Variants in MRPL38 observed in about 807,000 individuals in gnomAD.
MRPL38 encodes mitochondrial ribosomal protein L38.
In MRPL38, 51 loss-of-function variants were observed where a neutral mutation model predicts 52.1. The observed-to-expected ratio is 0.98, with a 90% CI of 0.78 to 1.24. The LOEUF is 1.24. MRPL38 is among the 50% of genes most tolerant of loss of function. MRPL38 has a pLI of 0.00. For missense variants in MRPL38, 527 were observed against 518.6 expected (o/e 1.02, Z -0.16); for synonymous variants, 245 against 212.7 (o/e 1.15, Z -1.32).
chr17:75,904,111 T>A (rs2065417425), intron 2 of MRPL38: 1 of 415,454 alleles, frequency 2.4e-6, no homozygotes, highest in Admixed American at 3.0e-5. Context: ...CTTGCACTGT[T>A]CGGGTGCAAG....
rs2065405106 is a variant in MRPL38 at position 75,901,726 on chromosome 17, C to T, written c.577G>A (p.Val193Met). Residue 193 changes from valine (V) to methionine (M), a missense_variant, in exon 4 of 9, where the codon GTG (valine) becomes ATG (methionine). Val to Met is a conservative substitution (Grantham distance 21). Transcript: ENST00000309352. The surrounding 1 kb of genome is among the most constrained non-coding windows in gnomAD (Gnocchi z 5.7). ...DLMPVYCGNEVTPTEAAQAPE... is the reference protein window; with the variant it reads ...DLMPVYCGNEMTPTEAAQAPE... Reference sequence around the variant, plus strand: ...TGAGTGGTTACCTCGGTTGGAGTCACCTCATTGCCACAGTACACAGGCATC... The same window carrying T: ...TGAGTGGTTACCTCGGTTGGAGTCATCTCATTGCCACAGTACACAGGCATC... 6.2e-7 allele frequency: 1 copy of T among 1,613,772 alleles called. No individual in the cohort carries two copies. Among genetic ancestry groups the T allele is most frequent in the Admixed American group, 1.7e-5 (1 of 59,998 alleles).
chr17:75,904,622 G>C lies in MRPL38; in HGVS notation c.165C>G (p.Asp55Glu), dbSNP rs772772291. Reference sequence around the variant, plus strand: ...CCTGCTCTGCTCGGCGCCGGTAGCGGTCGAAGCTCCGGTACTTCTCCAGCC... The same window carrying C: ...CCTGCTCTGCTCGGCGCCGGTAGCGCTCGAAGCTCCGGTACTTCTCCAGCC... Reference protein sequence around the residue: ...LERLEKYRSFDRYRRRAEQEA... With the variant: ...LERLEKYRSFERYRRRAEQEA... Residue 55 changes from aspartate to glutamate, a missense_variant, in exon 2 of 9, where the codon GAC becomes GAG. Coordinates refer to ENST00000309352, the MANE Select transcript of MRPL38 (RefSeq NM_032478.4). 3.8e-6 allele frequency: 6 copies of C among 1,594,496 alleles called. No homozygotes were observed. Among genetic ancestry groups the C allele is most frequent in the Non-Finnish European group, 5.1e-6 (6 of 1,177,534 alleles).
At chr17:75,899,923 T>C (rs1599472284) in intron 6 of MRPL38, 2 of 316,360 alleles carry the variant, frequency 6.3e-6, no homozygotes, top group Non-Finnish European at 5.7e-6. Context: ...AGCAAGGCCA[T>C]GCAGCCGCTT....
rs1005752234 is a variant in MRPL38 at position 75,904,477 on chromosome 17, A to G, written c.247+63T>C. On this transcript the variant is annotated intron_variant, in intron 2 of 8. Transcript: ENST00000309352. ...CAAGGCTCGCCCAGCGCCCGGGGAA[A>G]ACGCCGGCGGGTCCCGAGTTCCCCG... The G allele has an allele frequency of 1.5e-5, 22 of 1,455,586 alleles. No homozygotes were observed. In the African/African-American group the frequency reaches 2.9e-4, roughly 19 times the overall value. 90.2% of individuals were successfully genotyped at this position (1,455,586 alleles called of 1,614,324 possible).
chr17:75,901,126 C>T lies in MRPL38; in HGVS notation c.664+75G>A. 3.8e-6 allele frequency: 6 copies of T among 1,598,254 alleles called. No homozygotes were observed. Among genetic ancestry groups the T allele is most frequent in the Non-Finnish European group, 4.3e-6 (5 of 1,173,294 alleles). On this transcript the variant is annotated intron_variant, in intron 5 of 8. Transcript: ENST00000309352. The surrounding 1 kb of genome is among the most constrained non-coding windows in gnomAD (Gnocchi z 5.7). ...AGCGCTGGAGATCTCCACCTGGCCC[C>T]TCCCCCAGCCCCCCAGGGCCCTGGC... is the stretch of plus-strand genomic sequence containing the variant.
chr17:75,898,864 A>T lies in MRPL38; in HGVS notation c.1129T>A (p.Tyr377Asn). 6.2e-7 allele frequency: 1 copy of T among 1,612,062 alleles called. No individual in the cohort carries two copies. Among genetic ancestry groups the T allele is most frequent in the Non-Finnish European group, 8.5e-7 (1 of 1,179,512 alleles). ...ACTCTGGCTCCTTAGTAGATGCCAT[A>T]GGTGGGCTCATGACTGTCCCTGTAC... ...DRYRDSHEPTYGIY is the reference protein window; with the variant it reads ...DRYRDSHEPTNGIY The change falls in exon 9 of 9, where the codon TAT becomes AAT. Residue 377 changes from tyrosine (Y) to asparagine (N), a missense_variant. Tyr to Asn is a moderately radical substitution (Grantham distance 143). Coordinates refer to ENST00000309352, the MANE Select transcript of MRPL38 (RefSeq NM_032478.4).
Position 75,902,004 on chromosome 17 carries a change from C to A in MRPL38, c.382+16G>T. 6.2e-7 allele frequency: 1 copy of A among 1,613,236 alleles called. No homozygotes were observed. The highest frequency in any genetic ancestry group is 1.7e-5 in the Admixed American group (1 of 59,992). On this transcript the variant is annotated intron_variant, in intron 3 of 8. Coordinates refer to ENST00000309352, the MANE Select transcript of MRPL38 (RefSeq NM_032478.4). ...TACCCCAACTCTGGGATGGCCCCTCCCCTGAGAAGGCTTACCTGTGCGGAG... is the reference window on the plus strand; with the variant it reads ...TACCCCAACTCTGGGATGGCCCCTCACCTGAGAAGGCTTACCTGTGCGGAG...
At position 75,899,109 on chromosome 17, in the gene MRPL38, A is replaced by G. The variant is rs566127179; in HGVS notation, c.1006+49T>C. 7.7e-6 allele frequency: 12 copies of G among 1,564,066 alleles called. No individual in the cohort carries two copies. The African/African-American group carries it at 1.2e-4, about 16-fold the overall frequency. On this transcript the variant is annotated intron_variant, in intron 8 of 8. Coordinates refer to ENST00000309352, the MANE Select transcript of MRPL38 (RefSeq NM_032478.4). Reference sequence around the variant, plus strand: ...AAGCTTCTCCCTGGCAGGGCAGGCGAGGCCTGGGAGCTCAGGCCCACCCAG... The same window carrying G: ...AAGCTTCTCCCTGGCAGGGCAGGCGGGGCCTGGGAGCTCAGGCCCACCCAG...
intron 6 of MRPL38, chr17:75,900,070 GGCCAAC>G (rs1236326771): frequency 1.3e-5 from 2 of 157,902 alleles, no homozygotes; most frequent in Non-Finnish European, 2.8e-5. Context: ...GCACAGGGGC[GGCCAAC>G]GCCTCAGGCA....
chr17:75,902,258 C>G (rs1599473880), intron 2 of MRPL38, 104 bp from the exon 3 acceptor site: 3 of 1,273,774 alleles, frequency 2.4e-6, no homozygotes, highest in Non-Finnish European at 3.2e-6. Flanking sequence ...TGTACACCAT[C>G]TCATCTGGCT....
Position 75,898,651 on chromosome 17 carries a change from A to G in MRPL38, c.*199T>C. On this transcript the variant is annotated 3_prime_UTR_variant, in exon 9 of 9. Coordinates refer to ENST00000309352, the MANE Select transcript of MRPL38 (RefSeq NM_032478.4). ...CAGGTGTGAGCCACCAAGCCCGGCA[A>G]GAAATCATGTTTATTCACATTCCCC... The G allele has an allele frequency of 1.7e-6, 1 of 605,954 alleles. No homozygotes were observed. Among genetic ancestry groups the G allele is most frequent in the South Asian group, 2.1e-5 (1 of 48,322 alleles). 37.5% of individuals were successfully genotyped at this position (605,954 alleles called of 1,614,324 possible).
In MRPL38 at chr17:75,898,848, C is replaced by T. The variant is rs2065388978; in HGVS notation, c.*2G>A. On this transcript the variant is annotated 3_prime_UTR_variant, in exon 9 of 9. Transcript: ENST00000309352. ...GCTCTGAAATGCGCACACTCTGGCT[C>T]CTTAGTAGATGCCATAGGTGGGCTC... The T allele has an allele frequency of 6.2e-7, 1 of 1,611,958 alleles. No individual in the cohort carries two copies. Among genetic ancestry groups the T allele is most frequent in the Non-Finnish European group, 8.5e-7 (1 of 1,179,514 alleles).
intron 6 of MRPL38, 117 bp from the exon 7 acceptor site, chr17:75,899,791 T>G (rs1264928681): frequency 1.1e-6 from 1 of 892,988 alleles, no homozygotes; most frequent in Non-Finnish European, 1.6e-6. Flanking sequence ...GCTCTAAGCA[T>G]CTCTCTCCTG....
At position 75,901,243 on chromosome 17, in the gene MRPL38, C is replaced by T; in HGVS notation, c.622G>A (p.Ala208Thr). 1 of 1,613,580 alleles carries T rather than the reference C, an allele frequency of 6.2e-7. No individual in the cohort carries two copies. The highest frequency in any genetic ancestry group is 2.2e-5 in the East Asian group (1 of 44,870). ...AACGTCCACAAGGAGCCCTCTTCTG[C>T]CTCATAGGTCACCTCTGGCGCTTGG... is the stretch of plus-strand genomic sequence containing the variant. ...AAQAPEVTYE[A>T]EEGSLWTLLL... Residue 208 changes from alanine to threonine, a missense_variant, in exon 5 of 9, where the codon GCA (alanine) becomes ACA (threonine). Transcript: ENST00000309352. The surrounding 1 kb of genome is among the most constrained non-coding windows in gnomAD (Gnocchi z 5.7).
chr17:75,904,614 C>T lies in MRPL38; in HGVS notation c.173G>A (p.Arg58Gln), dbSNP rs1462012098. ...LEKYRSFDRY[R>Q]RRAEQEAQAP... ...CTGCGCCTCCTGCTCTGCTCGGCGC[C>T]GGTAGCGGTCGAAGCTCCGGTACTT... is the stretch of plus-strand genomic sequence containing the variant. Residue 58 changes from arginine (R) to glutamine (Q), a missense_variant, in exon 2 of 9, where the codon CGG (arginine) becomes CAG (glutamine). By Grantham distance (43) the Arg-to-Gln change is conservative (BLOSUM62 1). Transcript: ENST00000309352. 5 of 1,592,882 alleles carry T rather than the reference C, an allele frequency of 3.1e-6. No homozygotes were observed. The East Asian group carries it at 1.1e-4, about 36-fold the overall frequency.
In MRPL38 at chr17:75,902,107, G is replaced by A. The variant is rs34136221; in HGVS notation, c.295C>T (p.Arg99Trp). 26,729 of 1,593,042 alleles carry A rather than the reference G, an allele frequency of 0.017. 273 individuals carry two copies. Among genetic ancestry groups the A allele is most frequent in the South Asian group, 0.025 (2,213 of 87,336 alleles). The change falls in exon 3 of 9, where the codon CGG (arginine) becomes TGG (tryptophan). Residue 99 changes from arginine to tryptophan, a missense_variant. Physicochemically the swap from Arg to Trp is moderately radical, Grantham distance 101. Transcript: ENST00000309352. ...TTCCGTTCCAGTAGCTGTTGGGTCC[G>A]GGAGACTTTGGGTGGAGGCAGCCCA... is the stretch of plus-strand genomic sequence containing the variant. ...DIGLPPPKVS[R>W]TQQLLERKQA... is the part of the protein sequence containing the mutation.
rs2065387842 is a variant in MRPL38, at chr17:75,898,769, C to T, written c.*81G>A. 6.4e-7 allele frequency: 1 copy of T among 1,559,348 alleles called. No individual in the cohort carries two copies. The highest frequency in any genetic ancestry group is 1.8e-5 in the Admixed American group (1 of 54,650). Reference sequence around the variant, plus strand: ...GCTGCCTAAGGCAGGGCCCAGACCCCACAGTGTGGGCCTCTGGAGCTGTGT... The same window carrying T: ...GCTGCCTAAGGCAGGGCCCAGACCCTACAGTGTGGGCCTCTGGAGCTGTGT... On this transcript the variant is annotated 3_prime_UTR_variant, in exon 9 of 9. Transcript: ENST00000309352.
In MRPL38 at chr17:75,898,679, C is replaced by A; in HGVS notation, c.*171G>T. On this transcript the variant is annotated 3_prime_UTR_variant, in exon 9 of 9. Transcript: ENST00000309352. Reference sequence around the variant, plus strand: ...AATCATGTTTATTCACATTCCCCACCCCACCACCTGAGAGTCACTTTCACT... The same window carrying A: ...AATCATGTTTATTCACATTCCCCACACCACCACCTGAGAGTCACTTTCACT... 1 of 705,154 alleles carries A rather than the reference C, an allele frequency of 1.4e-6. No homozygotes were observed. The highest frequency in any genetic ancestry group is 2.3e-6 in the Non-Finnish European group (1 of 431,024). The allele number at this position is 705,154 out of a possible 1,614,324, so 43.7% of individuals were successfully genotyped here.
chr17:75,904,400 C>T, intron 2 of MRPL38, 140 bp downstream of exon 2: 1 of 892,918 alleles, frequency 1.1e-6, no homozygotes, highest in Non-Finnish European at 1.8e-6. Flanking sequence ...ATAGCGCACA[C>T]AGGTCTGCAG....
Sources: gnomAD v4.1 joint callset for allele counts on GRCh38, gnomAD v4.1.1 for gene constraint, Gnocchi (gnomAD v3.1) non-coding constraint, MANE v1.5 for transcripts, NCBI Gene and HGNC (gene_info 2026-07-23, HGNC 2026-07-21) for gene names.